The following ABI3BP variants were observed in gnomAD, a reference collection of about 807,000 sequenced individuals.
The protein encoded by ABI3BP is ABI family member 3 binding protein.
ABI3BP carries 216 observed loss-of-function variants against 268.6 expected under a neutral mutation model. That is an observed-to-expected ratio of 0.80 (90% confidence interval 0.72 to 0.90). ABI3BP has a LOEUF of 0.90. Among genes scored for constraint, ABI3BP ranks in the 40% least tolerant of loss-of-function variants. The pLI, the probability that ABI3BP is intolerant of heterozygous loss-of-function variation, is 0.00. For missense variants in ABI3BP, 2,090 were observed against 2,182.4 expected (o/e 0.96, Z 0.84); for synonymous variants, 730 against 730.0 (o/e 1.00, Z 0.00).
chr3:100,864,706 G>A, intron 11 of ABI3BP, 127 bp downstream of exon 11: 1 of 675,924 alleles, frequency 1.5e-6, no homozygotes, highest in East Asian at 2.8e-5. Flanking sequence ...CTGCCAGGAA[G>A]GAAGGAAAAG....
intron 64 of ABI3BP, among the ~76,000 whole-genome samples, 188 bp from the exon 65 acceptor site, chr3:100,754,036 G>C (rs1460256887): frequency 6.6e-6 from 1 of 152,200 alleles, no homozygotes. Context: ...ATAATCTCCT[G>C]CCTGGTAGGT....
At chr3:100,942,262 A>T (rs1170199125) in intron 1 of ABI3BP, among the ~76,000 whole-genome samples, 1 of 152,082 alleles carries the variant, frequency 6.6e-6, no homozygotes, top group Non-Finnish European at 1.5e-5. Flanking sequence ...ATAACGCTAC[A>T]ATTGAGGGAT....
Position 100,837,105 on chromosome 3 carries a change from A to T in ABI3BP, c.2131+19T>A, listed in dbSNP as rs115061204. 8.6e-4 allele frequency: 1,318 copies of T among 1,528,470 alleles called. 14 individuals carry two copies. In the African/African-American group the frequency reaches 0.015, roughly 17 times the overall value. The allele number at this position is 1,528,470 out of a possible 1,614,324, so 94.7% of individuals were successfully genotyped here. ...AAGCTCAGAGAAACATTGGCCAAGA[A>T]GGAAGAAAGCATCATTACCTATGGT... On this transcript the variant is annotated intron_variant, in intron 27 of 67. Transcript: ENST00000471714.
At chr3:100,904,510 A>T (rs1341619519) in intron 2 of ABI3BP, among the ~76,000 whole-genome samples, 1 of 152,172 alleles carries the variant, frequency 6.6e-6, no homozygotes, top group Non-Finnish European at 1.5e-5. Context: ...GTTCAGCAAG[A>T]CTCAAAGGTA....
intron 4 of ABI3BP, among the ~76,000 whole-genome samples, chr3:100,894,973 A>ACAAAAAC (rs2046954877): frequency 6.7e-6 from 1 of 149,456 alleles, no homozygotes; most frequent in Non-Finnish European, 1.5e-5. Context: ...AAAAACAGAA[A>ACAAAAAC]AAAAAAACAC....
intron 2 of ABI3BP, among the ~76,000 whole-genome samples, chr3:100,917,096 A>C (rs2058827852): frequency 6.6e-6 from 1 of 152,216 alleles, no homozygotes; most frequent in African/African-American, 2.4e-5. Flanking sequence ...ATAGGCAACT[A>C]GGCAGGGAGC....
In ABI3BP at chr3:100,838,244, G is replaced by T. The variant is rs190709234; in HGVS notation, c.2049C>A (p.Thr683=). 260 of 1,536,456 alleles carry T rather than the reference G, an allele frequency of 1.7e-4. 4 individuals are homozygous for T. In the African/African-American group the frequency reaches 3.1e-3, roughly 18 times the overall value. The change falls in exon 26 of 68, where the codon ACC becomes ACA. Residue 683 remains threonine (T), a synonymous_variant. Coordinates refer to ENST00000471714, the MANE Select transcript of ABI3BP (RefSeq NM_001375547.2). ...TTGGTGGCATGTCTGGTTCTGCTGT[G>T]GTTTGGGGTTTAGGAAGTAATTGTT... The part of the protein sequence containing the change: ...PPKQLLPKPQ[T]TAEPDMPPTK...
chr3:100,801,498 G>T (rs2097537264), intron 51 of ABI3BP, among the ~76,000 whole-genome samples: 1 of 151,322 alleles, frequency 6.6e-6, no homozygotes. Flanking sequence ...CACATCAATG[G>T]CATATATAAG....
At chr3:100,760,383 T>G (rs897958959) in intron 63 of ABI3BP, among the ~76,000 whole-genome samples, 5 of 152,156 alleles carry the variant, frequency 3.3e-5, no homozygotes, top group South Asian at 2.1e-4. Flanking sequence ...TTGTGTGTGT[T>G]CATCCATTTG....
chr3:100,762,130 A>G (rs1332260709), intron 63 of ABI3BP, among the ~76,000 whole-genome samples: 1 of 152,198 alleles, frequency 6.6e-6, no homozygotes, highest in African/African-American at 2.4e-5. Context: ...AACAAGAGCC[A>G]TGTGGTGGCT....
At chr3:100,893,274 T>C (rs2045633734) in intron 4 of ABI3BP, among the ~76,000 whole-genome samples, 1 of 152,180 alleles carries the variant, frequency 6.6e-6, no homozygotes, top group Non-Finnish European at 1.5e-5. Flanking sequence ...GCTTCCCTAC[T>C]TTTGAGGTTT....
At chr3:100,940,786 CTATATATATATATATATATATATA>C (rs1167503911) in intron 1 of ABI3BP, among the ~76,000 whole-genome samples, 173 of 10,144 alleles carry the variant, frequency 0.017, 25 homozygotes, top group Admixed American at 0.024. Context: ...AATTACTTCA[CTATATATATATATATATATATATA>C]TATATATATA....
At chr3:100,839,454 G>A (rs2098658782) in intron 24 of ABI3BP, 115 bp downstream of exon 24, 1 of 1,117,502 alleles carries the variant, frequency 8.9e-7, no homozygotes, top group Non-Finnish European at 1.3e-6. Context: ...GTGAGGAAAA[G>A]CGTGGGATGA....
At chr3:100,974,128 G>A (rs537160948) in intron 1 of ABI3BP, among the ~76,000 whole-genome samples, 4 of 152,168 alleles carry the variant, frequency 2.6e-5, no homozygotes, top group African/African-American at 7.2e-5. Flanking sequence ...TTCTGGCAAG[G>A]ATTTGGAGCA....
At chr3:100,761,771 G>A (rs765407148) in intron 63 of ABI3BP, among the ~76,000 whole-genome samples, 11 of 152,154 alleles carry the variant, frequency 7.2e-5, no homozygotes, top group African/African-American at 1.4e-4. Flanking sequence ...GTGTTGTAAC[G>A]TGAAGCTCTA....
At chr3:100,857,957 C>A (rs1285608326) in intron 14 of ABI3BP, among the ~76,000 whole-genome samples, 1 of 152,212 alleles carries the variant, frequency 6.6e-6, no homozygotes, top group Non-Finnish European at 1.5e-5. Flanking sequence ...ATGCACAATT[C>A]ATCTGAATGG....
intron 40 of ABI3BP, 78 bp downstream of exon 40, chr3:100,820,142 C>T (rs1240758938): frequency 3.2e-6 from 4 of 1,244,040 alleles, no homozygotes; most frequent in Non-Finnish European, 4.5e-6. Flanking sequence ...CACAGGCCAT[C>T]ACTCCCATCA....
rs905862897 is a variant in ABI3BP, at chr3:100,937,224, C to T, written c.80-10743G>A. Among the ~76,000 whole-genome samples, 14 of 152,158 alleles carry T rather than the reference C, an allele frequency of 9.2e-5. No individual in the cohort carries two copies. In the East Asian group the frequency reaches 1.2e-3, roughly 13 times the overall value. Reference sequence around the variant, plus strand: ...AAGTGTTAGGAAAAATGTAGTACATCTGGAACCTTCATACATTTTGAGTGT... The same window carrying T: ...AAGTGTTAGGAAAAATGTAGTACATTTGGAACCTTCATACATTTTGAGTGT... On this transcript the variant is annotated intron_variant, in intron 1 of 67. Transcript: ENST00000471714.
chr3:100,823,270 G>A (rs1261033137), intron 37 of ABI3BP, among the ~76,000 whole-genome samples, 188 bp downstream of exon 37: 1 of 151,998 alleles, frequency 6.6e-6, no homozygotes, highest in Non-Finnish European at 1.5e-5. Flanking sequence ...AGATTATATG[G>A]CATATAAACG....
Sources: allele counts gnomAD v4.1 joint callset (sites outside exome capture counted in the v4.1 genomes callset), GRCh38; gene constraint gnomAD v4.1.1; transcripts MANE v1.5; gene names NCBI Gene and HGNC (gene_info 2026-07-23, HGNC 2026-07-21).